Variants in GNA14 observed in about 807,000 individuals in gnomAD.
GNA14 encodes the protein G protein subunit alpha 14.
Under a neutral mutation model 42.0 loss-of-function variants are expected in GNA14, and 50 were observed. The observed-to-expected ratio is 1.19, with a 90% CI of 0.95 to 1.51. The LOEUF is 1.51. Among genes scored for constraint, GNA14 ranks in the 40% most tolerant of loss-of-function variants. GNA14 has a pLI of 0.00. For missense variants in GNA14, 473 were observed against 446.2 expected (o/e 1.06, Z -0.54); for synonymous variants, 173 against 163.1 (o/e 1.06, Z -0.46).
Position 77,489,362 on chromosome 9 carries a change from A to T in GNA14, c.309+39707T>A, listed in dbSNP as rs911962989. Reference sequence around the variant, plus strand: ...AGAGGAAGGGGTACAAAGCTTATTTAAAAAAATAACAGAAAACTCCAAAAC... The same window carrying T: ...AGAGGAAGGGGTACAAAGCTTATTTTAAAAAATAACAGAAAACTCCAAAAC... On this transcript the variant is annotated intron_variant, in intron 2 of 6. Transcript: ENST00000341700. Among the ~76,000 whole-genome samples, 349 of 152,316 alleles carry T rather than the reference A, an allele frequency of 2.3e-3. 2 individuals are homozygous for T. The highest frequency in any genetic ancestry group is 2.2e-3 in the Non-Finnish European group (149 of 68,024).
intron 1 of GNA14, among the ~76,000 whole-genome samples, chr9:77,634,169 C>A (rs1235763173): frequency 6.6e-6 from 1 of 152,034 alleles, no homozygotes; most frequent in East Asian, 1.9e-4. Context: ...CTATAATCTT[C>A]TGTGCTATGG....
chr9:77,617,075 T>C (rs983301703), intron 1 of GNA14, among the ~76,000 whole-genome samples: 2 of 151,982 alleles, frequency 1.3e-5, no homozygotes, highest in African/African-American at 2.4e-5. Context: ...TTTCACCATG[T>C]TAGCCAGGAT....
At chr9:77,642,983 G>C (rs951952538) in intron 1 of GNA14, among the ~76,000 whole-genome samples, 1 of 152,128 alleles carries the variant, frequency 6.6e-6, no homozygotes, top group African/African-American at 2.4e-5. Context: ...GGCCCACTCA[G>C]ATGATGCCTC....
chr9:77,503,837 CG>C (rs1837014976), intron 2 of GNA14, among the ~76,000 whole-genome samples: 2 of 151,688 alleles, frequency 1.3e-5, no homozygotes, highest in African/African-American at 4.8e-5. Flanking sequence ...TCACTAGAAA[CG>C]GGGTTTCACC....
chr9:77,560,690 G>T (rs11790551), intron 1 of GNA14, among the ~76,000 whole-genome samples: 6,257 of 152,136 alleles, frequency 0.041, 170 homozygotes, highest in Middle Eastern at 0.065. Context: ...ACCTTACCCT[G>T]GTTCCAACAG....
At chr9:77,588,149 C>T (rs1243398273) in intron 1 of GNA14, among the ~76,000 whole-genome samples, 2 of 152,182 alleles carry the variant, frequency 1.3e-5, no homozygotes, top group East Asian at 3.8e-4. Context: ...CTCCCGATTT[C>T]AAGATCCTAA....
chr9:77,497,404 A>T (rs1836889217), intron 2 of GNA14, among the ~76,000 whole-genome samples: 1 of 152,174 alleles, frequency 6.6e-6, no homozygotes, highest in African/African-American at 2.4e-5. Flanking sequence ...AGATCCTAGC[A>T]ATGTGACCAC....
intron 2 of GNA14, among the ~76,000 whole-genome samples, chr9:77,474,114 T>C (rs1836377582): frequency 6.6e-6 from 1 of 152,130 alleles, no homozygotes; most frequent in African/African-American, 2.4e-5. Flanking sequence ...TTATGAGATA[T>C]GACACCAAAA....
At chr9:77,431,657 A>T (rs1339269454) in intron 3 of GNA14, 2 of 471,076 alleles carry the variant, frequency 4.2e-6, no homozygotes, top group Non-Finnish European at 7.6e-6. Flanking sequence ...AAGGACTTCC[A>T]TGCGCCTTCT....
intron 1 of GNA14, among the ~76,000 whole-genome samples, chr9:77,629,277 G>C (rs550831844): frequency 2.6e-5 from 4 of 152,344 alleles, no homozygotes; most frequent in Non-Finnish European, 2.9e-5. Flanking sequence ...TTACACTGTT[G>C]TTGGGAGTGT....
chr9:77,483,812 T>C (rs747028360), intron 2 of GNA14, among the ~76,000 whole-genome samples: 2 of 151,944 alleles, frequency 1.3e-5, no homozygotes, highest in Non-Finnish European at 2.9e-5. Flanking sequence ...TCAATAACCG[T>C]AGGGATAAAA....
intron 2 of GNA14, among the ~76,000 whole-genome samples, chr9:77,468,394 G>A (rs1836273572): frequency 1.3e-5 from 2 of 152,180 alleles, no homozygotes; most frequent in Non-Finnish European, 2.9e-5. Context: ...CTGCCATTCT[G>A]AAGGTCTGAA....
chr9:77,567,548 A>T (rs899837824), intron 1 of GNA14, among the ~76,000 whole-genome samples: 15 of 152,302 alleles, frequency 9.8e-5, no homozygotes, highest in Admixed American at 9.8e-4. Context: ...TTTAAAAAAA[A>T]TGCTTGTGGG....
At chr9:77,508,778 C>T (rs1279643856) in intron 2 of GNA14, among the ~76,000 whole-genome samples, 1 of 152,144 alleles carries the variant, frequency 6.6e-6, no homozygotes, top group Non-Finnish European at 1.5e-5. Context: ...TGACCTTAAA[C>T]ATCTTGTGCC....
At chr9:77,432,173 G>A (rs1017213026) in intron 3 of GNA14, among the ~76,000 whole-genome samples, 12 of 151,462 alleles carry the variant, frequency 7.9e-5, no homozygotes, top group Non-Finnish European at 1.6e-4. Context: ...TGTAACTCAG[G>A]CCCTCGCTAA....
intron 2 of GNA14, among the ~76,000 whole-genome samples, chr9:77,492,613 G>A (rs896295975): frequency 9.2e-5 from 14 of 152,026 alleles, no homozygotes; most frequent in Admixed American, 5.9e-4. Context: ...AATGAAATAC[G>A]AAGAAATAGA....
At position 77,467,578 on chromosome 9, in the gene GNA14, T is replaced by A. The variant is rs75907824; in HGVS notation, c.310-33056A>T. Among the ~76,000 whole-genome samples, 371 of 151,030 alleles carry A rather than the reference T, an allele frequency of 2.5e-3. 1 individual carries two copies. The highest frequency in any genetic ancestry group is 8.2e-3 in the African/African-American group (338 of 41,078). ...TCACCACCAACATGTCTACTGTGAA[T>A]GAACTTAGGCAAGAAATGCTTCATG... On this transcript the variant is annotated intron_variant, in intron 2 of 6. Coordinates refer to ENST00000341700, the MANE Select transcript of GNA14 (RefSeq NM_004297.4).
intron 1 of GNA14, among the ~76,000 whole-genome samples, chr9:77,555,071 TATTAG>T (rs1822753508): frequency 6.6e-6 from 1 of 152,220 alleles, no homozygotes; most frequent in Non-Finnish European, 1.5e-5. Flanking sequence ...TTAGATTGGT[TATTAG>T]ATGATACTAT....
chr9:77,433,228 G>A (rs988017502), intron 3 of GNA14, among the ~76,000 whole-genome samples: 6 of 152,210 alleles, frequency 3.9e-5, no homozygotes, highest in African/African-American at 1.4e-4. Context: ...GGATTTCTGA[G>A]CCCTCAGAGG....
Sources: gnomAD v4.1 joint callset for allele counts (sites outside exome capture counted in the v4.1 genomes callset) on GRCh38, gnomAD v4.1.1 for gene constraint, MANE v1.5 for transcripts, NCBI Gene and HGNC (gene_info 2026-07-23, HGNC 2026-07-21) for gene names.